SPRY3: variants seen among roughly 807,000 people sequenced by gnomAD.
SPRY3 encodes the protein sprouty RTK signaling antagonist 3, also known as protein sprouty homolog 3.
Under a neutral mutation model 20.2 loss-of-function variants are expected in SPRY3, and 15 were observed. That is an observed-to-expected ratio of 0.74 (90% CI 0.50 to 1.14). The LOEUF is 1.14. Ranked by LOEUF, SPRY3 falls within the 50% of genes most tolerant of loss-of-function variation. The pLI, the probability that SPRY3 is intolerant of heterozygous loss-of-function variation, is 0.00. For synonymous variants in SPRY3, 143 were observed against 136.5 expected (o/e 1.05, Z -0.33); for missense variants, 364 against 363.9 (o/e 1.00, Z 0.00).
intron 2 of SPRY3, among the ~76,000 whole-genome samples, chrX:155,699,241 G>A (rs2068128380): frequency 9.0e-6 from 1 of 111,704 alleles, no homozygotes; most frequent in Non-Finnish European, 1.9e-5. Context: ...AGAGCAAACA[G>A]TTGGCCCGTA....
intron 2 of SPRY3, among the ~76,000 whole-genome samples, chrX:155,700,271 T>C (rs761215807): frequency 1.1e-5 from 1 of 94,184 alleles, no homozygotes; most frequent in Admixed American, 1.2e-4. Context: ...TGATGACTAT[T>C]ATTAAAAAAT....
At chrX:155,773,051 C>G (rs2091391129) in intron 3 of SPRY3, among the ~76,000 whole-genome samples, 2 of 151,790 alleles carry the variant, frequency 1.3e-5, no homozygotes, top group South Asian at 4.2e-4. Context: ...GAATCACTTC[C>G]TTAGTAAGTT....
At chrX:155,776,883 A>G (rs2091430403), downstream of SPRY3, 1 of 167,058 alleles carries the variant, frequency 6.0e-6, no homozygotes, top group Non-Finnish European at 1.5e-5. Context: ...ACCTTCACTT[A>G]CACCTCCTCT....
chrX:155,776,208 T>C (rs1271773658), exon 4 of SPRY3: 1 of 167,068 alleles, frequency 6.0e-6, no homozygotes, highest in South Asian at 2.1e-4. Context: ...AACTATCAGG[T>C]GTTGAGGCTG....
chrX:155,645,804 T>A (rs1461180684), intron 1 of SPRY3, among the ~76,000 whole-genome samples: 1 of 111,773 alleles, frequency 8.9e-6, no homozygotes, highest in Non-Finnish European at 1.9e-5. Context: ...CTCACCTGAT[T>A]TTTGGTTCTT....
intron 1 of SPRY3, among the ~76,000 whole-genome samples, chrX:155,634,746 G>A (rs1569562415): frequency 9.1e-6 from 1 of 109,698 alleles, no homozygotes; most frequent in Non-Finnish European, 1.9e-5. Context: ...TTAAAGCTGA[G>A]CCCAGCCATG....
At chrX:155,717,005 T>G (rs186261740) in intron 2 of SPRY3, among the ~76,000 whole-genome samples, 1,788 of 113,064 alleles carry the variant, frequency 0.016, 136 homozygotes, top group African/African-American at 0.064. Context: ...TATATATATA[T>G]ATATATAGCT....
At chrX:155,614,337 T>A (rs782437824) in intron 1 of SPRY3, among the ~76,000 whole-genome samples, 2 of 112,245 alleles carry the variant, frequency 1.8e-5, no homozygotes, top group Admixed American at 1.9e-4. Flanking sequence ...ATCATAACTG[T>A]AGCAATTAGA....
chrX:155,767,438 G>A (rs974069218), intron 2 of SPRY3, among the ~76,000 whole-genome samples: 6 of 151,914 alleles, frequency 3.9e-5, no homozygotes, highest in African/African-American at 1.5e-4. Context: ...ACACACTGGC[G>A]GTATCTATTG....
chrX:155,778,662 C>G (rs763705830), downstream of SPRY3: 1 of 167,080 alleles, frequency 6.0e-6, no homozygotes, highest in African/African-American at 2.4e-5. Flanking sequence ...CTGATGACCA[C>G]TGGTCCGTAT....
rs1363557272 is a variant in SPRY3 at position 155,691,108 on chromosome X, C to T, written c.-282+34083C>T. Among the ~76,000 whole-genome samples, 5 of 86,971 alleles carry T rather than the reference C, an allele frequency of 5.7e-5. 2 individuals are homozygous for T. Among genetic ancestry groups the T allele is most frequent in the Non-Finnish European group, 1.1e-4 (5 of 46,656 alleles). 75.5% of individuals were successfully genotyped at this position (86,971 alleles called of 115,157 possible). On this transcript the variant is annotated intron_variant, in intron 2 of 3. Transcript: ENST00000675360. ...CCTATGTTTTCTCCTAGAATTGTTACGGTTTTATCTATTTAATTTTTCGTG... is the reference window on the plus strand; with the variant it reads ...CCTATGTTTTCTCCTAGAATTGTTATGGTTTTATCTATTTAATTTTTCGTG...
At chrX:155,713,210 A>T (rs1355899961) in intron 2 of SPRY3, among the ~76,000 whole-genome samples, 4 of 151,986 alleles carry the variant, frequency 2.6e-5, no homozygotes, top group Non-Finnish European at 4.4e-5. Flanking sequence ...GTCATTATTT[A>T]TTCTTTCTAT....
chrX:155,743,270 G>A (rs774958859), intron 2 of SPRY3, among the ~76,000 whole-genome samples: 10 of 152,312 alleles, frequency 6.6e-5, no homozygotes, highest in African/African-American at 2.2e-4. Flanking sequence ...GAACCAGGAA[G>A]AAGCCTAACC....
At chrX:155,705,305 CTGG>C (rs1181242419) in intron 2 of SPRY3, among the ~76,000 whole-genome samples, 1 of 151,360 alleles carries the variant, frequency 6.6e-6, no homozygotes, top group East Asian at 1.9e-4. Context: ...ATAATATTTG[CTGG>C]TAGACTGTGA....
intron 2 of SPRY3, among the ~76,000 whole-genome samples, chrX:155,737,986 G>T (rs1160211326): frequency 6.6e-6 from 1 of 151,988 alleles, no homozygotes; most frequent in East Asian, 1.9e-4. Context: ...ATATTTGAAT[G>T]CACTCACCTT....
At chrX:155,751,446 A>G (rs1251305150) in intron 2 of SPRY3, among the ~76,000 whole-genome samples, 1 of 151,780 alleles carries the variant, frequency 6.6e-6, no homozygotes, top group Non-Finnish European at 1.5e-5. Context: ...ACCTATTCCA[A>G]CAATGGAAAC....
At chrX:155,738,382 T>C (rs1481792985) in intron 2 of SPRY3, among the ~76,000 whole-genome samples, 1 of 151,634 alleles carries the variant, frequency 6.6e-6, no homozygotes, top group Non-Finnish European at 1.5e-5. Context: ...TAGAAAGTGG[T>C]CAAAAACATG....
intron 2 of SPRY3, among the ~76,000 whole-genome samples, chrX:155,728,320 T>C (rs911975990): frequency 6.6e-6 from 1 of 152,206 alleles, no homozygotes; most frequent in Non-Finnish European, 1.5e-5. Flanking sequence ...AACGCCATAC[T>C]GTGAGAACCA....
intron 1 of SPRY3, among the ~76,000 whole-genome samples, chrX:155,656,013 T>C (rs2067991194): frequency 8.9e-6 from 1 of 112,130 alleles, no homozygotes; most frequent in African/African-American, 3.2e-5. Flanking sequence ...GACCTTTCTC[T>C]CTGGCTGCCC....
Sources: allele counts gnomAD v4.1 joint callset (sites outside exome capture counted in the v4.1 genomes callset), GRCh38; gene constraint gnomAD v4.1.1; transcripts MANE v1.5; gene names NCBI Gene and HGNC (gene_info 2026-07-23, HGNC 2026-07-21).